The following RBFOX1 variants were observed in gnomAD, a reference collection of about 807,000 sequenced individuals.
The protein encoded by RBFOX1 is RNA binding fox-1 homolog 1.
RBFOX1 carries 8 observed loss-of-function variants against 57.7 expected under a neutral mutation model. The ratio of observed to expected loss-of-function variants is 0.14; its 90% confidence interval spans 0.08 to 0.25. The LOEUF (loss-of-function observed/expected upper bound fraction) is 0.25, where lower values mean the gene tolerates loss of function less well. RBFOX1 is among the 10% of genes least tolerant of loss of function. The probability of loss-of-function intolerance (pLI) is 1.00; values close to 1 mark genes in which losing one functional copy is unlikely to be tolerated. For missense variants in RBFOX1, 611 were observed against 548.5 expected (o/e 1.11, Z -1.14); for synonymous variants, 326 against 222.4 (o/e 1.47, Z -4.15).
At chr16:5,470,704 C>A (rs980590947) in intron 2 of RBFOX1, among the ~76,000 whole-genome samples, 1 of 152,052 alleles carries the variant, frequency 6.6e-6, no homozygotes, top group African/African-American at 2.4e-5. Flanking sequence ...GTAACCTGCC[C>A]ACAGTCACAC....
intron 2 of RBFOX1, among the ~76,000 whole-genome samples, chr16:6,574,846 G>A (rs2097403689): frequency 6.7e-6 from 1 of 150,172 alleles, no homozygotes; most frequent in African/African-American, 2.4e-5. Context: ...AGACCATCCT[G>A]GATAACACGG....
intron 1 of RBFOX1, among the ~76,000 whole-genome samples, chr16:6,249,990 G>T (rs895710142): frequency 6.6e-6 from 1 of 152,046 alleles, no homozygotes; most frequent in Non-Finnish European, 1.5e-5. Context: ...GAAATGGCTT[G>T]TAGGTGCGGT....
chr16:5,270,545 G>T, intron 1 of RBFOX1: 1 of 607,562 alleles, frequency 1.6e-6, no homozygotes, highest in Non-Finnish European at 3.0e-6. Flanking sequence ...TGAAACTCAT[G>T]TTGATGTGAA....
intron 3 of RBFOX1, among the ~76,000 whole-genome samples, chr16:6,961,502 A>C (rs2083004065): frequency 6.6e-6 from 1 of 152,238 alleles, no homozygotes; most frequent in Non-Finnish European, 1.5e-5. Context: ...TTGCAGAAGA[A>C]AGAATCAGAG....
intron 4 of RBFOX1, among the ~76,000 whole-genome samples, chr16:7,291,933 A>G (rs928100643): frequency 2.0e-5 from 2 of 98,506 alleles, no homozygotes; most frequent in African/African-American, 7.3e-5. Flanking sequence ...AATGTATTTT[A>G]TATATTATAT....
intron 14 of RBFOX1, among the ~76,000 whole-genome samples, chr16:7,696,002 C>T (rs1366214432): frequency 6.6e-6 from 1 of 152,164 alleles, no homozygotes; most frequent in African/African-American, 2.4e-5. Flanking sequence ...AGCAGTAGAA[C>T]AGCAGCATTT....
chr16:6,762,765 G>T (rs867562965), intron 3 of RBFOX1, among the ~76,000 whole-genome samples: 1 of 151,238 alleles, frequency 6.6e-6, no homozygotes, highest in Non-Finnish European at 1.5e-5. Context: ...ACCCCAAGGG[G>T]ATAGGGGGTA....
chr16:5,558,481 A>C (rs1165846220), intron 2 of RBFOX1, among the ~76,000 whole-genome samples: 1 of 152,074 alleles, frequency 6.6e-6, no homozygotes, highest in Non-Finnish European at 1.5e-5. Flanking sequence ...GGGATATGGG[A>C]ACTCTCCCAT....
intron 3 of RBFOX1, among the ~76,000 whole-genome samples, chr16:5,865,724 A>G (rs1017667710): frequency 3.3e-5 from 5 of 152,290 alleles, no homozygotes; most frequent in South Asian, 4.1e-4. Context: ...CTGGGCTGCC[A>G]TAGTAAAACA....
intron 3 of RBFOX1, among the ~76,000 whole-genome samples, chr16:5,649,004 C>T (rs112680943): frequency 0.043 from 6,445 of 151,608 alleles, 453 homozygotes; most frequent in African/African-American, 0.14. Context: ...GTGGAGGTTG[C>T]AGTAAGTAGA....
At chr16:6,377,138 G>A (rs1484513225) in intron 2 of RBFOX1, among the ~76,000 whole-genome samples, 10 of 151,858 alleles carry the variant, frequency 6.6e-5, no homozygotes, top group Non-Finnish European at 1.0e-4. Flanking sequence ...AGCTGAGCAC[G>A]GTGGCCTGTG....
At chr16:6,547,773 A>ATTTT (rs61126489) in intron 2 of RBFOX1, among the ~76,000 whole-genome samples, 1 of 147,728 alleles carries the variant, frequency 6.8e-6, no homozygotes, top group African/African-American at 2.5e-5. Flanking sequence ...GTCATGTGTG[A>ATTTT]TTTTTTTTTT....
intron 2 of RBFOX1, among the ~76,000 whole-genome samples, chr16:6,534,287 G>A (rs540976312): frequency 1.5e-4 from 23 of 152,122 alleles, no homozygotes; most frequent in South Asian, 8.3e-4. Context: ...GTGCATATGC[G>A]TATGTGTATA....
intron 4 of RBFOX1, among the ~76,000 whole-genome samples, chr16:7,273,844 T>G (rs1567988217): frequency 6.6e-6 from 1 of 152,244 alleles, no homozygotes; most frequent in African/African-American, 2.4e-5. Context: ...TCTCTCTTTC[T>G]GTCTGCTACT....
chr16:6,926,960 T>G (rs1012686385), intron 3 of RBFOX1, among the ~76,000 whole-genome samples: 10 of 152,142 alleles, frequency 6.6e-5, no homozygotes, highest in African/African-American at 2.4e-4. Context: ...CTCCTTGCCT[T>G]ACTCAGGCCT....
At chr16:5,250,136 A>AG (rs2062413427) in intron 1 of RBFOX1, among the ~76,000 whole-genome samples, 1 of 151,966 alleles carries the variant, frequency 6.6e-6, no homozygotes, top group Non-Finnish European at 1.5e-5. Flanking sequence ...CTCAACAAAA[A>AG]AAAAAAGAAA....
chr16:7,513,980 G>A (rs1286411619), intron 4 of RBFOX1, among the ~76,000 whole-genome samples: 1 of 152,126 alleles, frequency 6.6e-6, no homozygotes, highest in Admixed American at 6.5e-5. Flanking sequence ...GAGTATACAG[G>A]CCCTTTCTCT....
intron 1 of RBFOX1, among the ~76,000 whole-genome samples, chr16:6,157,106 A>G (rs2096843870): frequency 6.6e-6 from 1 of 152,086 alleles, no homozygotes; most frequent in Admixed American, 6.5e-5. Flanking sequence ...AAGCGCTGGG[A>G]TTAGAGGTGT....
chr16:7,155,062 T>A (rs2076815937), intron 4 of RBFOX1, among the ~76,000 whole-genome samples: 1 of 152,136 alleles, frequency 6.6e-6, no homozygotes, highest in African/African-American at 2.4e-5. Flanking sequence ...GCATCTTATG[T>A]GTGTGTGTTT....
Sources: allele counts gnomAD v4.1 joint callset (sites outside exome capture counted in the v4.1 genomes callset), GRCh38; gene constraint gnomAD v4.1.1; transcripts MANE v1.5; gene names NCBI Gene and HGNC (gene_info 2026-07-23, HGNC 2026-07-21).